Variants in GLIPR1L1 observed in about 807,000 individuals in gnomAD.
GLIPR1L1 encodes GLIPR1 like 1, also known as GLIPR1-like protein 1.
Under a neutral mutation model 29.9 loss-of-function variants are expected in GLIPR1L1, and 26 were observed. The observed-to-expected ratio is 0.87, with a 90% CI of 0.64 to 1.21. The LOEUF is 1.21. Among genes scored for constraint, GLIPR1L1 ranks in the 50% most tolerant of loss-of-function variants. The pLI is 0.00. For synonymous variants in GLIPR1L1, 77 were observed against 97.5 expected (o/e 0.79, Z 1.24); for missense variants, 305 against 290.3 (o/e 1.05, Z -0.37).
chr12:75,358,434 T>A (rs540249668), intron 3 of GLIPR1L1, among the ~76,000 whole-genome samples: 1 of 151,732 alleles, frequency 6.6e-6, no homozygotes, highest in South Asian at 2.1e-4. Flanking sequence ...CTAAAATGAA[T>A]CAGTTAATCA....
intron 4 of GLIPR1L1, among the ~76,000 whole-genome samples, chr12:75,363,986 T>G (rs1204163060): frequency 1.3e-5 from 2 of 152,188 alleles, no homozygotes; most frequent in Non-Finnish European, 1.5e-5. Context: ...GTTAAGTAAT[T>G]GTCTAAAGGC....
In GLIPR1L1 at chr12:75,351,917, C is replaced by T. The variant is rs559089646; in HGVS notation, c.521+4195C>T. Among the ~76,000 whole-genome samples the T allele has an allele frequency of 1.9e-4, 29 of 152,102 alleles. No homozygotes were observed. The South Asian group carries it at 5.0e-3, about 26-fold the overall frequency. On this transcript the variant is annotated intron_variant, in intron 3 of 5. Transcript: ENST00000378695. ...ATATCCAGCCAAACAACATCATAAG[C>T]GAAGGAGAAATGAGATTTTTTTTCA... is the stretch of plus-strand genomic sequence containing the variant.
At position 75,343,886 on chromosome 12, in the gene GLIPR1L1, T is replaced by A; in HGVS notation, c.368T>A (p.Phe123Tyr). ...AITAWYNETQFYDFDSLSCSR... is the reference protein window; with the variant it reads ...AITAWYNETQYYDFDSLSCSR... ...ACGGCTTGGTATAATGAAACCCAAT[T>A]TTATGATTTTGATAGTCTATCATGC... is the stretch of plus-strand genomic sequence containing the variant. The change falls in exon 2 of 6, where the codon TTT (phenylalanine) becomes TAT (tyrosine). Residue 123 changes from phenylalanine (F) to tyrosine (Y), a missense_variant. By Grantham distance (22) the Phe-to-Tyr change is conservative. Coordinates refer to ENST00000378695, the MANE Select transcript of GLIPR1L1 (RefSeq NM_001304964.2). 6.2e-7 allele frequency: 1 copy of A among 1,612,268 alleles called. No individual in the cohort carries two copies. The highest frequency in any genetic ancestry group is 8.5e-7 in the Non-Finnish European group (1 of 1,178,540).
intron 2 of GLIPR1L1, among the ~76,000 whole-genome samples, chr12:75,344,264 T>C (rs148365680): frequency 1.4e-3 from 209 of 152,216 alleles, no homozygotes; most frequent in African/African-American, 4.6e-3. Flanking sequence ...AAGTTACTCA[T>C]GTAGAAAGCC....
At chr12:75,353,057 T>C (rs966835349) in intron 3 of GLIPR1L1, among the ~76,000 whole-genome samples, 1 of 152,034 alleles carries the variant, frequency 6.6e-6, no homozygotes, top group African/African-American at 2.4e-5. Context: ...AGATCCCAAA[T>C]TGACATCCTA....
At chr12:75,362,689 A>G (rs949003734) in intron 3 of GLIPR1L1, among the ~76,000 whole-genome samples, 1 of 152,196 alleles carries the variant, frequency 6.6e-6, no homozygotes, top group African/African-American at 2.4e-5. Flanking sequence ...CAAGTCGTAC[A>G]TCATCAAATA....
rs758198122 is a variant in GLIPR1L1 at position 75,343,804 on chromosome 12, GTTGGAGAAAATA to G, written c.288_299del (p.Gly97_Ile100del). 1.9e-6 allele frequency: 3 copies of G among 1,613,436 alleles called. No homozygotes were observed. Among genetic ancestry groups the G allele is most frequent in the Non-Finnish European group, 2.5e-6 (3 of 1,179,556 alleles). Reference sequence around the variant, plus strand: ...TAAATGCTATGCAGCTTTTGAATATGTTGGAGAAAATATCTGGTTAGGTGGAATAAAGTCATT... The same window carrying G: ...TAAATGCTATGCAGCTTTTGAATATGTCTGGTTAGGTGGAATAAAGTCATT... On this transcript the variant is annotated inframe_deletion, in exon 2 of 6. Transcript: ENST00000378695.
intron 3 of GLIPR1L1, among the ~76,000 whole-genome samples, chr12:75,356,051 G>A (rs912213784): frequency 6.6e-6 from 1 of 152,094 alleles, no homozygotes; most frequent in East Asian, 1.9e-4. Context: ...TGGGTGATGA[G>A]TTGATCTGTG....
chr12:75,368,218 C>T (rs920069331), intron 4 of GLIPR1L1, among the ~76,000 whole-genome samples: 1 of 151,016 alleles, frequency 6.6e-6, no homozygotes, highest in African/African-American at 2.4e-5. Flanking sequence ...CATGAGGTTT[C>T]CTTAAGAGAT....
chr12:75,365,534 A>T (rs1308000569), intron 4 of GLIPR1L1, among the ~76,000 whole-genome samples: 1 of 152,148 alleles, frequency 6.6e-6, no homozygotes, highest in Non-Finnish European at 1.5e-5. Context: ...TTTACCTTTC[A>T]ATAAGAATAC....
chr12:75,365,042 G>A (rs933377143), intron 4 of GLIPR1L1: 6 of 152,090 alleles, frequency 3.9e-5, no homozygotes, highest in Non-Finnish European at 5.9e-5. Context: ...TTCATTGAGA[G>A]GATCTGAACT....
At chr12:75,368,227 A>T (rs995949294) in intron 4 of GLIPR1L1, among the ~76,000 whole-genome samples, 1 of 151,284 alleles carries the variant, frequency 6.6e-6, no homozygotes. Context: ...TCCTTAAGAG[A>T]TGGCTAGATT....
intron 3 of GLIPR1L1, among the ~76,000 whole-genome samples, chr12:75,361,413 G>C (rs1429801891): frequency 6.6e-6 from 1 of 152,146 alleles, no homozygotes; most frequent in Non-Finnish European, 1.5e-5. Flanking sequence ...ACTGTCTTTG[G>C]CTTGAAGGTG....
chr12:75,351,341 G>A lies in GLIPR1L1; in HGVS notation c.521+3619G>A, dbSNP rs530342692. On this transcript the variant is annotated intron_variant, in intron 3 of 5. Transcript: ENST00000378695. ...AATTCAGGAAATCCAGAGAACCCCC[G>A]TAAGATACTCCATGAGAAGATCAAC... is the stretch of plus-strand genomic sequence containing the variant. Among the ~76,000 whole-genome samples, 35 of 152,162 alleles carry A rather than the reference G, an allele frequency of 2.3e-4. No individual in the cohort carries two copies. The South Asian group carries it at 5.0e-3, about 22-fold the overall frequency.
chr12:75,369,871 A>G (rs1303135905), intron 4 of GLIPR1L1, 89 bp from the exon 5 acceptor site: 6 of 1,330,860 alleles, frequency 4.5e-6, no homozygotes, highest in African/African-American at 1.5e-5. Flanking sequence ...TTGTTAGTTG[A>G]TTGTCTTATT....
At chr12:75,343,273 T>C (rs1317371801) in intron 1 of GLIPR1L1, among the ~76,000 whole-genome samples, 2 of 152,058 alleles carry the variant, frequency 1.3e-5, no homozygotes, top group Non-Finnish European at 2.9e-5. Context: ...TGTTTGTAGA[T>C]TATCTTTATC....
At chr12:75,368,779 T>C (rs1643843035) in intron 4 of GLIPR1L1, among the ~76,000 whole-genome samples, 1 of 152,016 alleles carries the variant, frequency 6.6e-6, no homozygotes, top group South Asian at 2.1e-4. Flanking sequence ...TGATTAATTT[T>C]TTAATGTTTA....
At chr12:75,353,041 C>A (rs1459609702) in intron 3 of GLIPR1L1, among the ~76,000 whole-genome samples, 2 of 152,028 alleles carry the variant, frequency 1.3e-5, no homozygotes, top group Admixed American at 1.3e-4. Flanking sequence ...CATCAAAAAG[C>A]TAGAAAGATC....
chr12:75,369,312 T>C (rs1175775685), intron 4 of GLIPR1L1, among the ~76,000 whole-genome samples: 1 of 145,306 alleles, frequency 6.9e-6, no homozygotes, highest in Non-Finnish European at 1.5e-5. Context: ...TTACTCATCT[T>C]ATTTATTTAT....
Sources: gnomAD v4.1 joint callset for allele counts (sites outside exome capture counted in the v4.1 genomes callset) on GRCh38, gnomAD v4.1.1 for gene constraint, MANE v1.5 for transcripts, NCBI Gene and HGNC (gene_info 2026-07-23, HGNC 2026-07-21) for gene names.